Variants in MLLT1 observed in about 807,000 individuals in gnomAD.
The protein encoded by MLLT1 is MLLT1 super elongation complex subunit.
In MLLT1, 11 loss-of-function variants were observed where a neutral mutation model predicts 55.1. That is an observed-to-expected ratio of 0.20 (90% confidence interval 0.13 to 0.33). The LOEUF (loss-of-function observed/expected upper bound fraction) is 0.33. MLLT1 is among the 10% of genes least tolerant of loss of function. MLLT1 has a pLI of 1.00. For synonymous variants in MLLT1, 323 were observed against 320.1 expected, an observed-to-expected ratio of 1.01 and a Z score of -0.10; for missense variants, 536 against 760.6, an observed-to-expected ratio of 0.70 and a Z score of 3.47.
Position 6,231,792 on chromosome 19 carries a change from C to T in MLLT1, c.277-1079G>A, listed in dbSNP as rs1386285063. ...CTGGGATTACAGGTGTGAGCCACCGCGCCCAGCTGAAGCAAGACAATTTCA... is the reference window on the plus strand; with the variant it reads ...CTGGGATTACAGGTGTGAGCCACCGTGCCCAGCTGAAGCAAGACAATTTCA... On this transcript the variant is annotated intron_variant, in intron 3 of 11. Coordinates refer to ENST00000252674, the MANE Select transcript of MLLT1 (RefSeq NM_005934.4). The surrounding 1 kb of genome is among the most constrained non-coding windows in gnomAD (Gnocchi z 5.1). 3.3e-5 allele frequency among the ~76,000 whole-genome samples: 5 copies of T among 152,030 alleles called. No homozygotes were observed. Among genetic ancestry groups the T allele is most frequent in the Middle Eastern group, 3.2e-3 (1 of 316 alleles).
intron 4 of MLLT1, among the ~76,000 whole-genome samples, chr19:6,228,051 G>T (rs908013352): frequency 6.6e-6 from 1 of 152,208 alleles, no homozygotes; most frequent in African/African-American, 2.4e-5. Flanking sequence ...GGGGACATTG[G>T]CTGAAAAGAG....
chr19:6,212,395 GCCCCACCGTACGCACC>G lies in MLLT1; in HGVS notation c.*631_*646del, dbSNP rs1455992568. The G allele has an allele frequency of 3.8e-6, 4 of 1,065,956 alleles. No individual in the cohort carries two copies. The highest frequency in any genetic ancestry group is 4.5e-6 in the Non-Finnish European group (4 of 879,782). 66.0% of individuals were successfully genotyped at this position (1,065,956 alleles called of 1,614,324 possible). On this transcript the variant is annotated 3_prime_UTR_variant, in exon 12 of 12. Coordinates refer to ENST00000252674, the MANE Select transcript of MLLT1 (RefSeq NM_005934.4). ...ACCGCAGAGACATCTTAACCTACAA[GCCCCACCGTACGCACC>G]CCCCACCCACCCCACGTGCACTGCT...
chr19:6,216,513 C>G lies in MLLT1; in HGVS notation c.1199G>C (p.Gly400Ala). The G allele has an allele frequency of 6.3e-7, 1 of 1,584,274 alleles. No homozygotes were observed. Among genetic ancestry groups the G allele is most frequent in the South Asian group, 1.1e-5 (1 of 87,336 alleles). ...GTCCTCCACCATGGAGCGCAGGGGT[C>G]CTGGGGAGGCGGGGCAGGGAGGGAG... Reference protein sequence around the residue: ...DFEPSQNHSQGPLRSMVEDLQ... With the variant: ...DFEPSQNHSQAPLRSMVEDLQ... The change falls in exon 8 of 12, where the codon GGA becomes GCA. Residue 400 changes from glycine (G) to alanine (A), a missense_variant and splice_region_variant. By Grantham distance (60) the Gly-to-Ala change is moderately conservative. Transcript: ENST00000252674.
At chr19:6,221,902 G>C (rs1463714769) in intron 6 of MLLT1, among the ~76,000 whole-genome samples, 1 of 152,230 alleles carries the variant, frequency 6.6e-6, no homozygotes, top group Admixed American at 6.5e-5. Flanking sequence ...GAGGAGGCGA[G>C]GAGGGACTCC....
intron 3 of MLLT1, among the ~76,000 whole-genome samples, chr19:6,258,682 G>A (rs905966677): frequency 6.6e-6 from 1 of 152,194 alleles, no homozygotes; most frequent in African/African-American, 2.4e-5. Flanking sequence ...CCATATTCAA[G>A]GTCAAGTGCA....
chr19:6,228,784 A>G (rs1050759074), intron 4 of MLLT1, among the ~76,000 whole-genome samples: 7 of 152,122 alleles, frequency 4.6e-5, no homozygotes, highest in Non-Finnish European at 1.0e-4. Flanking sequence ...CTCCAGGGCA[A>G]GCCCTGGAGG....
intron 3 of MLLT1, among the ~76,000 whole-genome samples, chr19:6,254,437 A>G (rs1349055560): frequency 6.6e-6 from 1 of 152,230 alleles, no homozygotes; most frequent in African/African-American, 2.4e-5. Context: ...GAGGGGCAAC[A>G]CCCGATTTAT....
At chr19:6,251,565 T>C (rs1018932017) in intron 3 of MLLT1, among the ~76,000 whole-genome samples, 1 of 152,116 alleles carries the variant, frequency 6.6e-6, no homozygotes, top group Non-Finnish European at 1.5e-5. Flanking sequence ...GAAAAAAGAA[T>C]AAAGAAGAAC....
chr19:6,214,006 C>A lies in MLLT1; in HGVS notation c.1340G>T (p.Ser447Ile). Residue 447 changes from serine (S) to isoleucine (I), a missense_variant, in exon 9 of 12, where the codon AGC becomes ATC. Coordinates refer to ENST00000252674, the MANE Select transcript of MLLT1 (RefSeq NM_005934.4). ...LSFSDSESDN[S>I]ADSSLPSREP... The stretch of plus-strand genomic sequence containing the variant: ...ACGGCTGGGCAGGGAGGAGTCGGCG[C>A]TGTTGTCACTCTCGCTGTCGCTGAA... 1 of 1,454,704 alleles carries A rather than the reference C, an allele frequency of 6.9e-7. No individual in the cohort carries two copies. Among genetic ancestry groups the A allele is most frequent in the Non-Finnish European group, 9.0e-7 (1 of 1,105,044 alleles). The allele number at this position is 1,454,704 out of a possible 1,614,324, so 90.1% of individuals were successfully genotyped here.
rs776012193 is a variant in MLLT1, at chr19:6,256,254, T to TAAATAAAAA, written c.276+5973_276+5974insTTTTTATTT. ...ATAAATAAATAAATAAATAAATAAA[T>TAAATAAAAA]AAAAAGACCAGCCTGGGCAACACAA... On this transcript the variant is annotated intron_variant, in intron 3 of 11. Coordinates refer to ENST00000252674, the MANE Select transcript of MLLT1 (RefSeq NM_005934.4). The surrounding 1 kb of genome is among the most constrained non-coding windows in gnomAD (Gnocchi z 4.1). 6.7e-6 allele frequency among the ~76,000 whole-genome samples: 1 copy of TAAATAAAAA among 148,304 alleles called. No individual in the cohort carries two copies. The highest frequency in any genetic ancestry group is 1.5e-5 in the Non-Finnish European group (1 of 67,082).
intron 3 of MLLT1, among the ~76,000 whole-genome samples, chr19:6,239,400 A>C (rs1198019128): frequency 6.6e-6 from 1 of 152,152 alleles, no homozygotes; most frequent in African/African-American, 2.4e-5. Flanking sequence ...TGTCCCCCCT[A>C]GTCAGATAAA....
rs2091005920 is a variant in MLLT1 at position 6,231,147 on chromosome 19, G to GCAGGACA, written c.277-441_277-435dup. Among the ~76,000 whole-genome samples the GCAGGACA allele has an allele frequency of 6.6e-6, 1 of 152,152 alleles. No individual in the cohort carries two copies. The highest frequency in any genetic ancestry group is 1.5e-5 in the Non-Finnish European group (1 of 68,028). On this transcript the variant is annotated intron_variant, in intron 3 of 11. Coordinates refer to ENST00000252674, the MANE Select transcript of MLLT1 (RefSeq NM_005934.4). This position sits in a 1 kb window ranked among gnomAD's most constrained non-coding sequence, Gnocchi z 5.1. Reference sequence around the variant, plus strand: ...GCAGCCAGGGCCAAGCCCGACAGACGCAGGACACAGGACACAGACTCAAAC... The same window carrying GCAGGACA: ...GCAGCCAGGGCCAAGCCCGACAGACGCAGGACACAGGACACAGGACACAGACTCAAAC...
At chr19:6,224,890 C>T (rs1011755752) in intron 5 of MLLT1, among the ~76,000 whole-genome samples, 3 of 152,132 alleles carry the variant, frequency 2.0e-5, no homozygotes, top group Non-Finnish European at 4.4e-5. Context: ...CCACCACGCC[C>T]GGCTAACTTT....
intron 6 of MLLT1, among the ~76,000 whole-genome samples, chr19:6,218,546 C>T (rs1399468688): frequency 6.6e-6 from 1 of 152,244 alleles, no homozygotes; most frequent in African/African-American, 2.4e-5. Context: ...TTCGCTGCTC[C>T]TACCGCCAGC....
chr19:6,248,019 T>C (rs919138532), intron 3 of MLLT1, among the ~76,000 whole-genome samples: 4 of 152,300 alleles, frequency 2.6e-5, no homozygotes, highest in East Asian at 3.9e-4. Flanking sequence ...GCCTCCCAGG[T>C]AGCTGGAACT....
chr19:6,217,885 G>A, intron 7 of MLLT1, 69 bp downstream of exon 7: 1 of 1,529,380 alleles, frequency 6.5e-7, no homozygotes, highest in African/African-American at 1.4e-5. Flanking sequence ...GCTGAGGAAT[G>A]CCCATGTGGC....
Position 6,222,128 on chromosome 19 carries a change from T to G in MLLT1, c.1103A>C (p.Lys368Thr), listed in dbSNP as rs761052767. ...CCCCCAGCACTCACTCACCTCGGAC[T>G]TGAAGGAGGCCTCGTCCTCTGAGTT... Reference protein sequence around the residue: ...ESNSEDEASFKSESAQSSPSN... With the variant: ...ESNSEDEASFTSESAQSSPSN... The change falls in exon 6 of 12, where the codon AAG (lysine) becomes ACG (threonine). Residue 368 changes from lysine to threonine, a missense_variant. Lys to Thr is a moderately conservative substitution (Grantham distance 78). Around this residue, in one of 3 missense-constraint regions of MLLT1, gnomAD observed 449 missense variants for 489.0 expected, o/e 0.92. Coordinates refer to ENST00000252674, the MANE Select transcript of MLLT1 (RefSeq NM_005934.4). The surrounding 1 kb of genome is among the most constrained non-coding windows in gnomAD (Gnocchi z 4.1). 6.6e-7 allele frequency: 1 copy of G among 1,516,372 alleles called. No individual in the cohort carries two copies. The highest frequency in any genetic ancestry group is 8.9e-7 in the Non-Finnish European group (1 of 1,129,474). 93.9% of individuals were successfully genotyped at this position (1,516,372 alleles called of 1,614,324 possible). A position where few individuals can be genotyped will look rare whatever the true frequency, so the allele number is the denominator to read the frequency against.
At chr19:6,267,085 G>A (rs953031854) in intron 2 of MLLT1, among the ~76,000 whole-genome samples, 10 of 152,142 alleles carry the variant, frequency 6.6e-5, no homozygotes, top group African/African-American at 2.2e-4. Context: ...GGGCAACACA[G>A]CGACACCCCC....
chr19:6,234,535 C>A (rs1279703652), intron 3 of MLLT1, among the ~76,000 whole-genome samples: 11 of 152,208 alleles, frequency 7.2e-5, no homozygotes, highest in Admixed American at 7.2e-4. Context: ...AGCTAACCTG[C>A]ACAGACTGTC....
Sources: gnomAD v4.1 joint callset for allele counts (sites outside exome capture counted in the v4.1 genomes callset) on GRCh38, gnomAD v4.1.1 for gene constraint, gnomAD v4.1.1 regional missense constraint, Gnocchi (gnomAD v3.1) non-coding constraint, MANE v1.5 for transcripts, NCBI Gene and HGNC (gene_info 2026-07-23, HGNC 2026-07-21) for gene names.